LPAR3: variants seen among roughly 807,000 people sequenced by gnomAD.
The protein encoded by LPAR3 is LPA receptor 3.
LPAR3 carries 7 observed loss-of-function variants against 17.8 expected under a neutral mutation model. The ratio of observed to expected loss-of-function variants is 0.39; its 90% CI spans 0.22 to 0.74. The LOEUF (loss-of-function observed/expected upper bound fraction) is 0.74. Ranked by LOEUF, LPAR3 falls within the 30% of genes least tolerant of loss-of-function variation. The pLI, the probability that LPAR3 is intolerant of heterozygous loss-of-function variation, is 0.40. For synonymous variants in LPAR3, 179 were observed against 179.9 expected (o/e 0.99, Z 0.04); for missense variants, 391 against 453.4 (o/e 0.86, Z 1.25).
intron 2 of LPAR3, among the ~76,000 whole-genome samples, chr1:84,816,366 G>A (rs1658932142): frequency 6.6e-6 from 1 of 152,210 alleles, no homozygotes; most frequent in Non-Finnish European, 1.5e-5. Flanking sequence ...TTGGAAAAGA[G>A]TTCAGAAGCC....
At chr1:84,892,715 T>C (rs1005754246) in intron 1 of LPAR3, among the ~76,000 whole-genome samples, 1 of 152,232 alleles carries the variant, frequency 6.6e-6, no homozygotes, top group African/African-American at 2.4e-5. Flanking sequence ...GGCGCTCTCC[T>C]GGCCTCTGCG....
intron 1 of LPAR3, among the ~76,000 whole-genome samples, chr1:84,869,803 A>G (rs1418343831): frequency 6.6e-6 from 1 of 152,246 alleles, no homozygotes; most frequent in African/African-American, 2.4e-5. Context: ...GTTCAAAGGA[A>G]AAGCCTCAAA....
At chr1:84,877,541 T>G (rs1243391879) in intron 1 of LPAR3, among the ~76,000 whole-genome samples, 1 of 152,184 alleles carries the variant, frequency 6.6e-6, no homozygotes, top group African/African-American at 2.4e-5. Flanking sequence ...ACTGTAGCAT[T>G]CTTAACCTCT....
chr1:84,839,157 G>A (rs914519358), intron 2 of LPAR3, among the ~76,000 whole-genome samples: 22 of 152,210 alleles, frequency 1.4e-4, no homozygotes. Flanking sequence ...CATTTAGATA[G>A]CATTTGGTGT....
At chr1:84,882,421 A>G (rs1408999664) in intron 1 of LPAR3, among the ~76,000 whole-genome samples, 2 of 152,158 alleles carry the variant, frequency 1.3e-5, no homozygotes, top group African/African-American at 4.8e-5. Flanking sequence ...ACCCAAAGCA[A>G]TCTATAGATT....
intron 2 of LPAR3, among the ~76,000 whole-genome samples, chr1:84,819,148 A>G (rs1659001104): frequency 6.6e-6 from 1 of 152,214 alleles, no homozygotes; most frequent in African/African-American, 2.4e-5. Flanking sequence ...GAATTATACA[A>G]TTTCATATAG....
intron 1 of LPAR3, among the ~76,000 whole-genome samples, chr1:84,875,284 A>C (rs1570902083): frequency 6.6e-6 from 1 of 152,236 alleles, no homozygotes; most frequent in East Asian, 1.9e-4. Context: ...ATGCAAAAAT[A>C]TATTTTGAGA....
chr1:84,828,436 T>G (rs1160083715), intron 2 of LPAR3, among the ~76,000 whole-genome samples: 1 of 152,246 alleles, frequency 6.6e-6, no homozygotes, highest in Middle Eastern at 3.2e-3. Context: ...GTATTTATTC[T>G]AATTTTCTTC....
At chr1:84,876,858 C>T (rs1412055207) in intron 1 of LPAR3, among the ~76,000 whole-genome samples, 5 of 152,186 alleles carry the variant, frequency 3.3e-5, no homozygotes, top group African/African-American at 1.2e-4. Flanking sequence ...ATATCACATT[C>T]CCAAGGGCAT....
At chr1:84,883,721 GTT>G (rs74859279) in intron 1 of LPAR3, among the ~76,000 whole-genome samples, 5 of 136,672 alleles carry the variant, frequency 3.7e-5, no homozygotes, top group Admixed American at 7.3e-5. Flanking sequence ...GGATTTTTTT[GTT>G]TTTTTTTTTT....
chr1:84,841,551 G>A (rs977784015), intron 2 of LPAR3, among the ~76,000 whole-genome samples: 2 of 152,040 alleles, frequency 1.3e-5, no homozygotes, highest in Admixed American at 6.6e-5. Context: ...GATTAAAATC[G>A]ACACCTTCTA....
chr1:84,889,603 A>C (rs1660518023), intron 1 of LPAR3, among the ~76,000 whole-genome samples: 1 of 152,180 alleles, frequency 6.6e-6, no homozygotes, highest in Non-Finnish European at 1.5e-5. Context: ...TTCCTCTCAT[A>C]TTCCCCACAG....
At chr1:84,838,254 T>C (rs774666123) in intron 2 of LPAR3, among the ~76,000 whole-genome samples, 6 of 152,182 alleles carry the variant, frequency 3.9e-5, no homozygotes, top group Admixed American at 2.6e-4. Context: ...TGTGCATGAA[T>C]GCTAAGAAAA....
At chr1:84,836,120 T>C (rs1246771859) in intron 2 of LPAR3, among the ~76,000 whole-genome samples, 1 of 148,084 alleles carries the variant, frequency 6.8e-6, no homozygotes, top group Non-Finnish European at 1.5e-5. Context: ...GCAAACTGCT[T>C]GAGCCCAGGA....
intron 2 of LPAR3, among the ~76,000 whole-genome samples, chr1:84,829,233 T>C (rs1343375965): frequency 6.9e-6 from 1 of 145,662 alleles, no homozygotes; most frequent in African/African-American, 2.5e-5. Context: ...ATTACCCTAG[T>C]TGGAAAGTAA....
intron 2 of LPAR3, among the ~76,000 whole-genome samples, chr1:84,845,466 A>G (rs1659578548): frequency 6.6e-6 from 1 of 152,190 alleles, no homozygotes; most frequent in East Asian, 1.9e-4. Flanking sequence ...CACTACTCAG[A>G]GCAGGTAGGT....
At chr1:84,839,342 A>G (rs1659465743) in intron 2 of LPAR3, among the ~76,000 whole-genome samples, 2 of 152,222 alleles carry the variant, frequency 1.3e-5, no homozygotes, top group Admixed American at 1.3e-4. Flanking sequence ...CTGATTTTTT[A>G]TGGTTCCCTA....
chr1:84,885,939 T>C (rs1406064109), intron 1 of LPAR3, among the ~76,000 whole-genome samples: 1 of 152,194 alleles, frequency 6.6e-6, no homozygotes, highest in Non-Finnish European at 1.5e-5. Context: ...TAGGTATAAG[T>C]ATGAATCATG....
chr1:84,842,718 T>A (rs1327188776), intron 2 of LPAR3, among the ~76,000 whole-genome samples: 1 of 151,990 alleles, frequency 6.6e-6, no homozygotes, highest in Non-Finnish European at 1.5e-5. Context: ...GACTTGGGAG[T>A]TCTTTTCAGA....
Sources: allele counts gnomAD v4.1 joint callset (sites outside exome capture counted in the v4.1 genomes callset), GRCh38; gene constraint gnomAD v4.1.1; transcripts MANE v1.5; gene names NCBI Gene and HGNC (gene_info 2026-07-23, HGNC 2026-07-21).